Variants in KCNMA1 observed in about 807,000 individuals in gnomAD.
KCNMA1 encodes Calcium-activated potassium channel subunit alpha-1.
KCNMA1 carries 29 observed loss-of-function variants against 140.0 expected under a neutral mutation model. The observed-to-expected ratio is 0.21, with a 90% CI of 0.15 to 0.28. KCNMA1 has a LOEUF of 0.28. Ranked by LOEUF, KCNMA1 falls within the 10% of genes least tolerant of loss-of-function variation. The probability of loss-of-function intolerance (pLI) is 1.00; values close to 1 mark genes in which losing one functional copy is unlikely to be tolerated. For missense variants in KCNMA1, 880 were observed against 1,602.2 expected (o/e 0.55, Z 7.70); for synonymous variants, 612 against 611.9 (o/e 1.00, Z 0.00).
At chr10:77,621,523 TACACACACAC>T (rs55689211) in intron 1 of KCNMA1, among the ~76,000 whole-genome samples, 1 of 146,572 alleles carries the variant, frequency 6.8e-6, no homozygotes, top group Admixed American at 6.7e-5. Context: ...TACGTACATG[TACACACACAC>T]ACACACACAC....
chr10:77,094,803 C>T (rs1052475387), intron 9 of KCNMA1, among the ~76,000 whole-genome samples: 4 of 152,000 alleles, frequency 2.6e-5, no homozygotes, highest in Admixed American at 6.6e-5. Flanking sequence ...CAGGCTGAAG[C>T]GATCCTCCTG....
chr10:77,369,782 T>C (rs1304708128), intron 2 of KCNMA1, among the ~76,000 whole-genome samples: 2 of 152,200 alleles, frequency 1.3e-5, no homozygotes, highest in South Asian at 2.1e-4. Context: ...AGAGGGAACA[T>C]GTGTGCACAC....
At chr10:77,063,874 A>C in intron 14 of KCNMA1, 2 of 985,466 alleles carry the variant, frequency 2.0e-6, no homozygotes, top group Non-Finnish European at 2.4e-6. Flanking sequence ...TATCTCTGAA[A>C]GAGCTCAGAC....
At chr10:77,616,216 C>T (rs550943460) in intron 1 of KCNMA1, among the ~76,000 whole-genome samples, 1 of 152,302 alleles carries the variant, frequency 6.6e-6, no homozygotes, top group South Asian at 2.1e-4. Context: ...TTCAGAGATG[C>T]TACATTCCAG....
intron 19 of KCNMA1, among the ~76,000 whole-genome samples, chr10:76,976,101 G>T (rs562557004): frequency 6.6e-6 from 1 of 152,220 alleles, no homozygotes; most frequent in Admixed American, 6.5e-5. Flanking sequence ...AACCTAATGG[G>T]TATCAGTTTT....
At chr10:77,391,075 C>G (rs1028901340) in intron 2 of KCNMA1, among the ~76,000 whole-genome samples, 5 of 152,148 alleles carry the variant, frequency 3.3e-5, no homozygotes, top group African/African-American at 4.8e-5. Flanking sequence ...AGTCTGGGAA[C>G]AGTTCTAGGA....
intron 19 of KCNMA1, among the ~76,000 whole-genome samples, chr10:77,000,761 C>T (rs574692409): frequency 9.9e-5 from 15 of 151,016 alleles, no homozygotes; most frequent in Non-Finnish European, 1.3e-4. Context: ...TAGCCCAGTG[C>T]AGGCTGACAG....
chr10:77,628,403 C>A (rs1301982526), intron 1 of KCNMA1, among the ~76,000 whole-genome samples: 1 of 152,146 alleles, frequency 6.6e-6, no homozygotes, highest in African/African-American at 2.4e-5. Context: ...TGCCTGTAAT[C>A]CCAGCACTTT....
chr10:77,206,563 C>T (rs1014782008), intron 3 of KCNMA1, among the ~76,000 whole-genome samples: 1 of 152,064 alleles, frequency 6.6e-6, no homozygotes, highest in Non-Finnish European at 1.5e-5. Flanking sequence ...TCCTACCACC[C>T]GTATTACTCT....
At chr10:77,297,932 G>A (rs2075616786) in intron 2 of KCNMA1, among the ~76,000 whole-genome samples, 1 of 152,184 alleles carries the variant, frequency 6.6e-6, no homozygotes, top group South Asian at 2.1e-4. Flanking sequence ...GTAGACCCAG[G>A]AGCAACAGCA....
intron 5 of KCNMA1, among the ~76,000 whole-genome samples, chr10:77,138,135 T>C (rs1054882360): frequency 6.6e-6 from 1 of 152,222 alleles, no homozygotes; most frequent in African/African-American, 2.4e-5. Flanking sequence ...TGGTTCCAGA[T>C]GCTGCAGCAC....
intron 1 of KCNMA1, among the ~76,000 whole-genome samples, chr10:77,506,596 A>AGTGTGTGTGTGTGT (rs796386759): frequency 1.2e-5 from 1 of 83,568 alleles, no homozygotes; most frequent in African/African-American, 7.5e-5. Flanking sequence ...AGAGAGAGAG[A>AGTGTGTGTGTGTGT]GTGTGTGTGT....
At chr10:77,591,872 C>T (rs7076508) in intron 1 of KCNMA1, among the ~76,000 whole-genome samples, 2,231 of 152,280 alleles carry the variant, frequency 0.015, 64 homozygotes, top group African/African-American at 0.051. Flanking sequence ...AATCACAGAA[C>T]CTGAATGCTG....
At chr10:77,494,287 C>T (rs1266926198) in intron 1 of KCNMA1, among the ~76,000 whole-genome samples, 1 of 152,188 alleles carries the variant, frequency 6.6e-6, no homozygotes, top group African/African-American at 2.4e-5. Flanking sequence ...TTACCCAGTG[C>T]CTCCTTTGCT....
chr10:77,481,937 G>A (rs1190199422), intron 1 of KCNMA1, among the ~76,000 whole-genome samples: 2 of 152,168 alleles, frequency 1.3e-5, no homozygotes, highest in Non-Finnish European at 2.9e-5. Context: ...CTGAAGTATA[G>A]ACAGTGGGTG....
Position 77,604,803 on chromosome 10 carries a change from T to C in KCNMA1, c.378+32462A>G, listed in dbSNP as rs117967980. ...CTTCCTAAAGATTAGTAGACCTAAG[T>C]AGGCAACTAGAAAAACAACACATCC... On this transcript the variant is annotated intron_variant, in intron 1 of 27. Coordinates refer to ENST00000286628, the MANE Select transcript of KCNMA1 (RefSeq NM_001161352.2). Among the ~76,000 whole-genome samples, 901 of 152,244 alleles carry C rather than the reference T, an allele frequency of 5.9e-3. 4 individuals carry two copies. Among genetic ancestry groups the C allele is most frequent in the East Asian group, 0.031 (161 of 5,180 alleles).
intron 19 of KCNMA1, among the ~76,000 whole-genome samples, chr10:76,975,980 T>TCAAA (rs2077384250): frequency 6.6e-6 from 1 of 152,036 alleles, no homozygotes; most frequent in Admixed American, 6.6e-5. Context: ...TCATAATATC[T>TCAAA]CAAACATATA....
At chr10:77,304,134 T>C (rs920291178) in intron 2 of KCNMA1, among the ~76,000 whole-genome samples, 1 of 152,012 alleles carries the variant, frequency 6.6e-6, no homozygotes, top group Non-Finnish European at 1.5e-5. Context: ...TTCCTGCACA[T>C]AGGGCCAGAA....
rs2060679675 is a variant in KCNMA1 at position 77,543,524 on chromosome 10, C to G, written c.378+93741G>C. 2.0e-5 allele frequency among the ~76,000 whole-genome samples: 3 copies of G among 152,110 alleles called. No homozygotes were observed. The South Asian group carries it at 6.2e-4, about 31-fold the overall frequency. ...GCTATTATGATGATGAAGAACCTCT[C>G]TAGAAGAAAACATAACCAAAGAAAC... On this transcript the variant is annotated intron_variant, in intron 1 of 27. Transcript: ENST00000286628.
Sources: allele counts gnomAD v4.1 joint callset (sites outside exome capture counted in the v4.1 genomes callset), GRCh38; gene constraint gnomAD v4.1.1; transcripts MANE v1.5; gene names NCBI Gene and HGNC (gene_info 2026-07-23, HGNC 2026-07-21).